CACNA1B: variants seen among roughly 807,000 people sequenced by gnomAD.
CACNA1B encodes the protein calcium voltage-gated channel subunit alpha1 B.
A neutral mutation model predicts 247.2 loss-of-function variants in CACNA1B; 70 were observed. The observed-to-expected ratio is 0.28, with a 90% CI of 0.23 to 0.35. The LOEUF (loss-of-function observed/expected upper bound fraction) is 0.35, where lower values mean the gene tolerates loss of function less well. CACNA1B is among the 10% of genes least tolerant of loss of function. CACNA1B has a pLI of 1.00. For missense variants in CACNA1B, 2,367 were observed against 3,197.4 expected (o/e 0.74, Z 6.26); for synonymous variants, 1,231 against 1,294.4 (o/e 0.95, Z 1.05).
intron 10 of CACNA1B, among the ~76,000 whole-genome samples, chr9:137,964,000 G>A (rs1439463568): frequency 6.6e-6 from 1 of 152,156 alleles, no homozygotes; most frequent in Non-Finnish European, 1.5e-5. Flanking sequence ...ATTCTTTTAA[G>A]AATGTTGAAT....
intron 36 of CACNA1B, among the ~76,000 whole-genome samples, chr9:138,084,649 C>T (rs1960634638): frequency 6.6e-6 from 1 of 151,204 alleles, no homozygotes; most frequent in Non-Finnish European, 1.5e-5. Context: ...GGACACAAGA[C>T]ACTTGAAAAA....
intron 15 of CACNA1B, among the ~76,000 whole-genome samples, chr9:138,001,741 AG>A (rs1463260554): frequency 2.5e-4 from 38 of 152,298 alleles, no homozygotes; most frequent in African/African-American, 8.9e-4. Context: ...ACAAAAATAT[AG>A]CTTTTCTATA....
intron 10 of CACNA1B, among the ~76,000 whole-genome samples, chr9:137,968,862 T>C (rs1269117370): frequency 1.3e-5 from 2 of 152,240 alleles, no homozygotes; most frequent in African/African-American, 2.4e-5. Context: ...ATGGAATTTC[T>C]CCCTAGCTTG....
chr9:138,004,623 T>C (rs2133409601), intron 15 of CACNA1B, among the ~76,000 whole-genome samples: 1 of 152,012 alleles, frequency 6.6e-6, no homozygotes, highest in Middle Eastern at 3.4e-3. Context: ...TGAAGAATGA[T>C]GTGTAGTCTG....
In CACNA1B at chr9:138,120,318, A is replaced by G. The variant is rs1481887218; in HGVS notation, c.6184A>G (p.Arg2062Gly). Residue 2062 changes from arginine to glycine, a missense_variant, in exon 45 of 47, where the codon AGG becomes GGG. Arg to Gly is a moderately radical substitution (Grantham distance 125). Around this residue, in one of 12 missense-constraint regions of CACNA1B, gnomAD observed 773 missense variants for 779.4 expected, o/e 0.99. Coordinates refer to ENST00000371372, the MANE Select transcript of CACNA1B (RefSeq NM_000718.4). ...CCACCGCTGCCACCGCCGCAGGGAC[A>G]GGAAGCAGAGGTCCCTGGAGAAGGG... ...HHHRCHRRRD[R>G]KQRSLEKGPS... 6.4e-7 allele frequency: 1 copy of G among 1,564,790 alleles called. No homozygotes were observed. Among genetic ancestry groups the G allele is most frequent in the Admixed American group, 1.8e-5 (1 of 54,102 alleles).
chr9:138,027,357 T>C (rs1291946402), intron 20 of CACNA1B, among the ~76,000 whole-genome samples: 1 of 152,232 alleles, frequency 6.6e-6, no homozygotes, highest in African/African-American at 2.4e-5. Context: ...GCTACTTTTC[T>C]GAATCCTCAA....
At chr9:138,056,262 C>T (rs979029979) in intron 26 of CACNA1B, among the ~76,000 whole-genome samples, 3 of 152,182 alleles carry the variant, frequency 2.0e-5, no homozygotes, top group African/African-American at 7.2e-5. Flanking sequence ...CCACCCCTAG[C>T]CAACTATGAA....
At chr9:137,884,215 G>C (rs1956969950) in intron 3 of CACNA1B, among the ~76,000 whole-genome samples, 1 of 152,214 alleles carries the variant, frequency 6.6e-6, no homozygotes, top group African/African-American at 2.4e-5. Flanking sequence ...CTGGGCTTGG[G>C]AGTGTCACAC....
Position 138,049,303 on chromosome 9 carries a change from C to A in CACNA1B, c.3698C>A (p.Ala1233Glu). Residue 1233 changes from alanine to glutamate, a missense_variant, in exon 24 of 47, where the codon GCG (alanine) becomes GAG (glutamate). By Grantham distance (107) the Ala-to-Glu change is moderately radical. Around this residue, in one of 12 missense-constraint regions of CACNA1B, gnomAD observed 436 missense variants for 679.5 expected, o/e 0.64. Coordinates refer to ENST00000371372, the MANE Select transcript of CACNA1B (RefSeq NM_000718.4). ...DFIVVSGALV[A>E]FAFSGSKGKD... ...ATTGTGGTCAGTGGCGCCCTGGTGG[C>A]GTTTGCTTTCTCGTAAGTAACGTTC... 6.2e-7 allele frequency: 1 copy of A among 1,606,348 alleles called. No homozygotes were observed. Among genetic ancestry groups the A allele is most frequent in the Non-Finnish European group, 8.5e-7 (1 of 1,172,832 alleles).
In CACNA1B at chr9:138,054,101, C is replaced by T. The variant is rs752885624; in HGVS notation, c.3968+95C>T. On this transcript the variant is annotated intron_variant, in intron 26 of 46. Transcript: ENST00000371372. This position sits in a 1 kb window ranked among gnomAD's most constrained non-coding sequence, Gnocchi z 4.6. Reference sequence around the variant, plus strand: ...GGACCAGGTGGAGCTGGTCACACGGCGTGGGAGACTCCACTGCAGAGCATC... The same window carrying T: ...GGACCAGGTGGAGCTGGTCACACGGTGTGGGAGACTCCACTGCAGAGCATC... The T allele has an allele frequency of 1.9e-5, 22 of 1,185,606 alleles. No individual in the cohort carries two copies. The highest frequency in any genetic ancestry group is 7.0e-5 in the East Asian group (3 of 42,752). The allele number at this position is 1,185,606 out of a possible 1,614,324, so 73.4% of individuals were successfully genotyped here. A position where few individuals can be genotyped will look rare whatever the true frequency, so the allele number is the denominator to read the frequency against.
intron 6 of CACNA1B, among the ~76,000 whole-genome samples, chr9:137,938,567 T>C (rs866415729): frequency 6.6e-6 from 1 of 152,076 alleles, no homozygotes; most frequent in Non-Finnish European, 1.5e-5. Context: ...AAAAAGACTT[T>C]CCATGCAAAT....
chr9:137,906,474 C>T (rs1564883783), intron 3 of CACNA1B, among the ~76,000 whole-genome samples: 1 of 152,160 alleles, frequency 6.6e-6, no homozygotes, highest in African/African-American at 2.4e-5. Flanking sequence ...ACTCCATGCC[C>T]GTGTGTTGTG....
intron 6 of CACNA1B, among the ~76,000 whole-genome samples, chr9:137,920,559 G>A (rs370411619): frequency 6.6e-6 from 1 of 152,186 alleles, no homozygotes; most frequent in Non-Finnish European, 1.5e-5. Context: ...GTAGAACTTC[G>A]CCTTACCCAG....
chr9:137,930,666 T>C (rs1957597702), intron 6 of CACNA1B, among the ~76,000 whole-genome samples: 1 of 152,184 alleles, frequency 6.6e-6, no homozygotes, highest in African/African-American at 2.4e-5. Context: ...ATTCTACAAA[T>C]TGTTAAGAGA....
At chr9:138,114,049 C>A (rs1194666978) in intron 40 of CACNA1B, among the ~76,000 whole-genome samples, 2 of 152,202 alleles carry the variant, frequency 1.3e-5, no homozygotes, top group Non-Finnish European at 2.9e-5. Flanking sequence ...CAGGAAGGTG[C>A]CCAACTCCAT....
chr9:138,090,888 A>G (rs1459737714), intron 36 of CACNA1B, among the ~76,000 whole-genome samples: 2 of 152,092 alleles, frequency 1.3e-5, no homozygotes, highest in Non-Finnish European at 2.9e-5. Flanking sequence ...CCCCAGTTAG[A>G]ATGGCTGTTA....
In CACNA1B at chr9:137,895,712, A is replaced by G. The variant is rs572868359; in HGVS notation, c.530+12829A>G. On this transcript the variant is annotated intron_variant, in intron 3 of 46. Coordinates refer to ENST00000371372, the MANE Select transcript of CACNA1B (RefSeq NM_000718.4). ...TATCATGCTAAACTAACTTAGTAGTAGTTCTAGGACAATTTCTTTGGAGAT... is the reference window on the plus strand; with the variant it reads ...TATCATGCTAAACTAACTTAGTAGTGGTTCTAGGACAATTTCTTTGGAGAT... 3.9e-5 allele frequency among the ~76,000 whole-genome samples: 6 copies of G among 152,356 alleles called. No homozygotes were observed. In the South Asian group the frequency reaches 1.2e-3, roughly 32 times the overall value.
intron 10 of CACNA1B, among the ~76,000 whole-genome samples, chr9:137,965,452 CAGA>C (rs1958063556): frequency 6.6e-6 from 1 of 152,192 alleles, no homozygotes; most frequent in South Asian, 2.1e-4. Flanking sequence ...AGGCTGAGGC[CAGA>C]AGATTGCTTG....
chr9:137,999,583 G>T (rs748361666), intron 15 of CACNA1B, among the ~76,000 whole-genome samples: 3 of 151,934 alleles, frequency 2.0e-5, no homozygotes, highest in Non-Finnish European at 4.4e-5. Flanking sequence ...TGTAATCATA[G>T]CTCACTGCAG....
Sources: gnomAD v4.1 joint callset for allele counts (sites outside exome capture counted in the v4.1 genomes callset) on GRCh38, gnomAD v4.1.1 for gene constraint, gnomAD v4.1.1 regional missense constraint, Gnocchi (gnomAD v3.1) non-coding constraint, MANE v1.5 for transcripts, NCBI Gene and HGNC (gene_info 2026-07-23, HGNC 2026-07-21) for gene names.